The following MALT1 variants were observed in gnomAD, a reference collection of about 807,000 sequenced individuals.
The protein encoded by MALT1 is MALT1 paracaspase.
MALT1 carries 36 observed loss-of-function variants against 85.5 expected under a neutral mutation model. The observed-to-expected ratio is 0.42, with a 90% CI of 0.32 to 0.56. The LOEUF (loss-of-function observed/expected upper bound fraction) is 0.56, where lower values mean the gene tolerates loss of function less well. Ranked by LOEUF, MALT1 falls within the 20% of genes least tolerant of loss-of-function variation. MALT1 has a pLI of 0.10. For synonymous variants in MALT1, 359 were observed against 361.3 expected (o/e 0.99, Z 0.07); for missense variants, 716 against 981.6 (o/e 0.73, Z 3.62).
intron 10 of MALT1, among the ~76,000 whole-genome samples, chr18:58,727,616 GTTTT>G (rs751434443): frequency 8.2e-6 from 1 of 121,264 alleles, no homozygotes; most frequent in South Asian, 2.7e-4. Context: ...GGTTTTTTGT[GTTTT>G]TTTTTTTGTT....
rs536052714 is a variant in MALT1, at chr18:58,740,327, CATT to C, written c.1604-1536_1604-1534del. ...TCTACTTTTTCATTGTTTTCTACAT[CATT>C]AACTTCTGCTGTTTATTTATGTCTT... On this transcript the variant is annotated intron_variant, in intron 13 of 16. Coordinates refer to ENST00000649217, the MANE Select transcript of MALT1 (RefSeq NM_006785.4). Among the ~76,000 whole-genome samples the C allele has an allele frequency of 1.4e-3, 209 of 152,234 alleles. 1 individual carries two copies. The highest frequency in any genetic ancestry group is 0.01 in the Admixed American group (160 of 15,282).
At chr18:58,683,136 GA>G (rs1179717882) in intron 2 of MALT1, among the ~76,000 whole-genome samples, 1 of 152,112 alleles carries the variant, frequency 6.6e-6, no homozygotes, top group African/African-American at 2.4e-5. Flanking sequence ...TGTGACATTT[GA>G]AATCTACTAG....
intron 13 of MALT1, among the ~76,000 whole-genome samples, chr18:58,737,780 G>C (rs1232534676): frequency 6.6e-6 from 1 of 151,896 alleles, no homozygotes; most frequent in East Asian, 1.9e-4. Context: ...ATAGGGTTTC[G>C]CCATGTTGGC....
chr18:58,727,616 G>GTTTTTTTTTT (rs751434443), intron 10 of MALT1, among the ~76,000 whole-genome samples: 1,801 of 120,580 alleles, frequency 0.015, 65 homozygotes, highest in Non-Finnish European at 0.017. Flanking sequence ...GGTTTTTTGT[G>GTTTTTTTTTT]TTTTTTTTTT....
chr18:58,675,474 G>C (rs866814451), intron 1 of MALT1: 7 of 152,166 alleles, frequency 4.6e-5, no homozygotes, highest in Non-Finnish European at 7.3e-5. Context: ...AATTAGCCAG[G>C]CATAGTGGCA....
In MALT1 at chr18:58,751,547, T is replaced by G. The variant is rs1050637955; in HGVS notation, c.*3705T>G. ...CTAAACATGTAATTTTAAAACGGGCTTAAGAAGAATGATAACAGTTTTGGT... is the reference window on the plus strand; with the variant it reads ...CTAAACATGTAATTTTAAAACGGGCGTAAGAAGAATGATAACAGTTTTGGT... On this transcript the variant is annotated 3_prime_UTR_variant, in exon 17 of 17. Coordinates refer to ENST00000649217, the MANE Select transcript of MALT1 (RefSeq NM_006785.4). 4.6e-5 allele frequency: 7 copies of G among 152,224 alleles called. No homozygotes were observed. The highest frequency in any genetic ancestry group is 1.7e-4 in the African/African-American group (7 of 41,470). 9.4% of individuals were successfully genotyped at this position (152,224 alleles called of 1,614,324 possible). A position where few individuals can be genotyped will look rare whatever the true frequency, so the allele number is the denominator to read the frequency against.
At chr18:58,697,610 C>A (rs2054608822) in intron 3 of MALT1, among the ~76,000 whole-genome samples, 1 of 152,078 alleles carries the variant, frequency 6.6e-6, no homozygotes, top group South Asian at 2.1e-4. Flanking sequence ...TTATTAAATG[C>A]CCTTTGAGGA....
Position 58,747,583 on chromosome 18 carries a change from G to T in MALT1, c.2216G>T (p.Ser739Ile). ...CTTATGTCTAATGGTCCTTACCAGA[G>T]TTCTGCAGCCACCTCAGGAGGAGCA... ...TCLMSNGPYQ[S>I]SAATSGGAGH... Residue 739 changes from serine to isoleucine, a missense_variant, in exon 17 of 17, where the codon AGT becomes ATT. Around this residue, in one of 4 missense-constraint regions of MALT1, gnomAD observed 260 missense variants for 323.7 expected, o/e 0.80. Transcript: ENST00000649217. The T allele has an allele frequency of 6.2e-7, 1 of 1,614,172 alleles. No homozygotes were observed. Among genetic ancestry groups the T allele is most frequent in the Non-Finnish European group, 8.5e-7 (1 of 1,180,030 alleles).
intron 16 of MALT1, 103 bp from the exon 17 acceptor site, chr18:58,747,298 AGAGT>A (rs1442800423): frequency 1.4e-6 from 1 of 702,268 alleles, no homozygotes; most frequent in Non-Finnish European, 2.5e-6. Flanking sequence ...CTGGGAAAGG[AGAGT>A]GAGTGGATTT....
intron 13 of MALT1, among the ~76,000 whole-genome samples, chr18:58,738,876 A>T (rs2055262579): frequency 6.6e-6 from 1 of 152,144 alleles, no homozygotes; most frequent in South Asian, 2.1e-4. Flanking sequence ...GAGGACCGCT[A>T]AGACACAATT....
chr18:58,703,375 A>G (rs1280923123), intron 4 of MALT1, among the ~76,000 whole-genome samples: 1 of 151,936 alleles, frequency 6.6e-6, no homozygotes, highest in African/African-American at 2.4e-5. Context: ...AGAAAATATC[A>G]CCATTTTCTT....
intron 1 of MALT1, chr18:58,674,114 G>A (rs2054206270): frequency 6.6e-6 from 1 of 152,018 alleles, no homozygotes; most frequent in South Asian, 2.1e-4. Context: ...CAGGTATGGA[G>A]GACTCCTACA....
intron 2 of MALT1, among the ~76,000 whole-genome samples, chr18:58,688,316 ACACACACACACG>A (rs1235723624): frequency 1.4e-5 from 2 of 141,088 alleles, no homozygotes; most frequent in Non-Finnish European, 3.1e-5. Flanking sequence ...ACACACACAC[ACACACACACACG>A]CTTATTAATA....
chr18:58,744,454 G>A lies in MALT1; in HGVS notation c.1870G>A (p.Glu624Lys). The change falls in exon 15 of 17, where the codon GAG (glutamate) becomes AAG (lysine). Residue 624 changes from glutamate to lysine, a missense_variant. Physicochemically the swap from Glu to Lys is moderately conservative, Grantham distance 56. This residue lies in a region of MALT1 where 260 missense variants were observed against 323.7 expected (regional missense o/e 0.80). Coordinates refer to ENST00000649217, the MANE Select transcript of MALT1 (RefSeq NM_006785.4). Reference protein sequence around the residue: ...IYTSIVYKPPEIIMCDAYVTD... With the variant: ...IYTSIVYKPPKIIMCDAYVTD... ...TACAAGTATAGTTTACAAACCACCGGAGATAATAATGTGTGATGCCTACGT... is the reference window on the plus strand; with the variant it reads ...TACAAGTATAGTTTACAAACCACCGAAGATAATAATGTGTGATGCCTACGT... 2 of 1,607,212 alleles carry A rather than the reference G, an allele frequency of 1.2e-6. No homozygotes were observed. Among genetic ancestry groups the A allele is most frequent in the Non-Finnish European group, 1.7e-6 (2 of 1,176,192 alleles).
chr18:58,680,383 A>T (rs888392077), intron 1 of MALT1, among the ~76,000 whole-genome samples: 2 of 152,138 alleles, frequency 1.3e-5, no homozygotes, highest in African/African-American at 2.4e-5. Context: ...AGTTTTTTTA[A>T]TGAATTAACA....
In MALT1 at chr18:58,753,185, T is replaced by A. The variant is rs530632833; in HGVS notation, c.*5343T>A. 1.3e-5 allele frequency: 2 copies of A among 151,158 alleles called. No homozygotes were observed. Among genetic ancestry groups the A allele is most frequent in the Non-Finnish European group, 3.0e-5 (2 of 67,790 alleles). 9.4% of individuals were successfully genotyped at this position (151,158 alleles called of 1,614,324 possible). On this transcript the variant is annotated 3_prime_UTR_variant, in exon 17 of 17. Coordinates refer to ENST00000649217, the MANE Select transcript of MALT1 (RefSeq NM_006785.4). ...CTATACCTGTAGGCAGTATAGAGTG[T>A]TTTTTTTTATTTGTTTTTTTGTTGT... is the stretch of plus-strand genomic sequence containing the variant.
At chr18:58,692,043 C>CAAAAAAAA (rs56255300) in intron 2 of MALT1, 1 of 62,556 alleles carries the variant, frequency 1.6e-5, no homozygotes, top group Non-Finnish European at 2.9e-5. Flanking sequence ...GACTCCGTCT[C>CAAAAAAAA]AAAAAAAAAA....
rs759354209 is a variant in MALT1, at chr18:58,733,398, G to A, written c.1224G>A (p.Gly408=). The A allele has an allele frequency of 1.9e-6, 3 of 1,595,738 alleles. No individual in the cohort carries two copies. The highest frequency in any genetic ancestry group is 1.7e-6 in the Non-Finnish European group (2 of 1,171,948). ...FLLLLDKGVY[G]LLYYAGHGYE... is the part of the protein sequence containing the mutation. Reference sequence around the variant, plus strand: ...CTCTCTTATTTTTCCTCTTTTCAGGGTTATTATATTATGCAGGACATGGTT... The same window carrying A: ...CTCTCTTATTTTTCCTCTTTTCAGGATTATTATATTATGCAGGACATGGTT... Residue 408 remains glycine (G), a splice_region_variant and synonymous_variant, in exon 11 of 17, where the codon GGG becomes GGA. Coordinates refer to ENST00000649217, the MANE Select transcript of MALT1 (RefSeq NM_006785.4).
rs1198088548 is a variant in MALT1 at position 58,671,567 on chromosome 18, G to C, written c.-77G>C. 1 of 1,003,308 alleles carries C rather than the reference G, an allele frequency of 1.0e-6. No individual in the cohort carries two copies. The highest frequency in any genetic ancestry group is 1.7e-5 in the African/African-American group (1 of 59,330). The allele number at this position is 1,003,308 out of a possible 1,614,324, so 62.2% of individuals were successfully genotyped here. A position where few individuals can be genotyped will look rare whatever the true frequency, so the allele number is the denominator to read the frequency against. On this transcript the variant is annotated 5_prime_UTR_variant, in exon 1 of 17. Transcript: ENST00000649217. ...CCCTGCCTCCGCGGCTCGGAGGCGA[G>C]CGGAAGGTGCCCCGGGGCCGAGGCC...
Sources: gnomAD v4.1 joint callset for allele counts (sites outside exome capture counted in the v4.1 genomes callset) on GRCh38, gnomAD v4.1.1 for gene constraint, gnomAD v4.1.1 regional missense constraint, MANE v1.5 for transcripts, NCBI Gene and HGNC (gene_info 2026-07-23, HGNC 2026-07-21) for gene names.